DBF4: variants seen among roughly 807,000 people sequenced by gnomAD.
DBF4 encodes DBF4-CDC7 kinase regulatory subunit, also known as protein DBF4 homolog A.
Under a neutral mutation model 76.6 loss-of-function variants are expected in DBF4, and 25 were observed. That is an observed-to-expected ratio of 0.33 (90% CI 0.24 to 0.46). DBF4 has a LOEUF of 0.46. Ranked by LOEUF, DBF4 falls within the 20% of genes least tolerant of loss-of-function variation. DBF4 has a pLI of 1.00. For missense variants in DBF4, 638 were observed against 760.8 expected, an observed-to-expected ratio of 0.84 and a Z score of 1.90; for synonymous variants, 213 against 258.0, an observed-to-expected ratio of 0.83 and a Z score of 1.67.
rs1260619530 is a variant in DBF4 at position 87,878,126 on chromosome 7, A to G, written c.120A>G (p.Lys40=). The G allele has an allele frequency of 4.3e-6, 7 of 1,612,774 alleles. No individual in the cohort carries two copies. In the South Asian group the frequency reaches 7.7e-5, roughly 18 times the overall value. ...KSLKTDNRPE[K]SKCKPLWGKV... is the part of the protein sequence containing the mutation. ...TGAAAACTGATAACAGGCCAGAAAAATCCAAATGTAAGCCACTTTGGGGAA... is the reference window on the plus strand; with the variant it reads ...TGAAAACTGATAACAGGCCAGAAAAGTCCAAATGTAAGCCACTTTGGGGAA... The change falls in exon 2 of 12, where the codon AAA becomes AAG. Residue 40 remains lysine, a synonymous_variant. Coordinates refer to ENST00000265728, the MANE Select transcript of DBF4 (RefSeq NM_006716.4).
chr7:87,889,024 A>C (rs903220695), intron 6 of DBF4, among the ~76,000 whole-genome samples: 1 of 152,224 alleles, frequency 6.6e-6, no homozygotes, highest in Non-Finnish European at 1.5e-5. Flanking sequence ...GAAATCTTGT[A>C]TAGCATAATA....
intron 11 of DBF4, 109 bp from the exon 12 acceptor site, chr7:87,907,079 A>G (rs1839929137): frequency 8.9e-7 from 1 of 1,124,954 alleles, no homozygotes; most frequent in Non-Finnish European, 1.2e-6. Context: ...TAAGTTAAAT[A>G]GGTTTCTTAA....
At chr7:87,900,723 G>C in intron 9 of DBF4, 41 bp from the exon 10 acceptor site, 1 of 1,512,022 alleles carries the variant, frequency 6.6e-7, no homozygotes, top group Non-Finnish European at 9.1e-7. Context: ...TTATTCCTTA[G>C]GTTCAGCAGT....
intron 6 of DBF4, among the ~76,000 whole-genome samples, chr7:87,893,631 T>G (rs1209206594): frequency 1.3e-5 from 2 of 152,226 alleles, no homozygotes; most frequent in Non-Finnish European, 2.9e-5. Flanking sequence ...TGAAGTCTGC[T>G]CTCTGATGTA....
intron 2 of DBF4, among the ~76,000 whole-genome samples, chr7:87,884,387 A>G (rs893645486): frequency 6.6e-6 from 1 of 152,212 alleles, no homozygotes; most frequent in African/African-American, 2.4e-5. Context: ...TCAGTGGCTT[A>G]ATCACACTAC....
At chr7:87,888,153 G>A in intron 6 of DBF4, 94 bp downstream of exon 6, 1 of 1,405,848 alleles carries the variant, frequency 7.1e-7, no homozygotes, top group Non-Finnish European at 9.4e-7. Context: ...AATATCCTAG[G>A]GGCAAGCCTG....
At position 87,904,325 on chromosome 7, in the gene DBF4, C is replaced by G. The variant is rs769882975; in HGVS notation, c.958C>G (p.Gln320Glu). The change falls in exon 11 of 12, where the codon CAG becomes GAG. Residue 320 changes from glutamine (Q) to glutamate (E), a missense_variant. By Grantham distance (29) the Gln-to-Glu change is conservative. Transcript: ENST00000265728. ...AAGTGAGCAACACAGAAACTTTGCA[C>G]AGAGTAACCAGTATCAAGTTGTTGA... ...LLSEQHRNFA[Q>E]SNQYQVVDDI... 3 of 1,612,620 alleles carry G rather than the reference C, an allele frequency of 1.9e-6. No individual in the cohort carries two copies. The highest frequency in any genetic ancestry group is 1.1e-5 in the South Asian group (1 of 90,680).
Position 87,907,724 on chromosome 7 carries a change from A to G in DBF4, c.1586A>G (p.His529Arg), listed in dbSNP as rs1839945033. 5 of 1,613,976 alleles carry G rather than the reference A, an allele frequency of 3.1e-6. No individual in the cohort carries two copies. The highest frequency in any genetic ancestry group is 4.2e-6 in the Non-Finnish European group (5 of 1,179,968). ...AAGGACCTTCATTCAATATTTACTC[A>G]TGATTCTGGTCTGATAACAATAAAC... Reference protein sequence around the residue: ...KEKDLHSIFTHDSGLITINSS... With the variant: ...KEKDLHSIFTRDSGLITINSS... Residue 529 changes from histidine (H) to arginine (R), a missense_variant, in exon 12 of 12, where the codon CAT becomes CGT. Transcript: ENST00000265728.
chr7:87,907,783 G>A lies in DBF4; in HGVS notation c.1645G>A (p.Ala549Thr), dbSNP rs751265622. 5 of 1,613,990 alleles carry A rather than the reference G, an allele frequency of 3.1e-6. No individual in the cohort carries two copies. Among genetic ancestry groups the A allele is most frequent in the Non-Finnish European group, 4.2e-6 (5 of 1,179,942 alleles). Residue 549 changes from alanine (A) to threonine (T), a missense_variant, in exon 12 of 12, where the codon GCT becomes ACT. By Grantham distance (58) the Ala-to-Thr change is moderately conservative. Coordinates refer to ENST00000265728, the MANE Select transcript of DBF4 (RefSeq NM_006716.4). The part of the protein sequence containing the change: ...SQEHLTVQAK[A>T]PFHTPPEEPN... Reference sequence around the variant, plus strand: ...AGAGCACCTAACTGTTCAGGCAAAGGCTCCATTCCATACTCCTCCTGAGGA... The same window carrying A: ...AGAGCACCTAACTGTTCAGGCAAAGACTCCATTCCATACTCCTCCTGAGGA...
At chr7:87,883,979 T>A (rs887505731) in intron 2 of DBF4, among the ~76,000 whole-genome samples, 1 of 152,218 alleles carries the variant, frequency 6.6e-6, no homozygotes. Context: ...CCTGGCGATC[T>A]TTAATAACCT....
At chr7:87,897,417 G>T (rs1234844901) in intron 8 of DBF4, 78 bp downstream of exon 8, 3 of 1,321,470 alleles carry the variant, frequency 2.3e-6, no homozygotes, top group Non-Finnish European at 2.2e-6. Context: ...AGGCTAGCTC[G>T]ATTAGTACTG....
At chr7:87,883,304 C>T (rs1344485826) in intron 2 of DBF4, among the ~76,000 whole-genome samples, 2 of 152,022 alleles carry the variant, frequency 1.3e-5, no homozygotes, top group Non-Finnish European at 2.9e-5. Context: ...TTAATGGGTA[C>T]AGACTTTCAG....
intron 5 of DBF4, 88 bp from the exon 6 acceptor site, chr7:87,887,895 C>T: frequency 2.4e-6 from 3 of 1,250,498 alleles, no homozygotes; most frequent in Non-Finnish European, 3.3e-6. Context: ...ATGGTAAATT[C>T]TTTATCTAAT....
chr7:87,891,643 A>G (rs956519513), intron 6 of DBF4, among the ~76,000 whole-genome samples: 1 of 152,098 alleles, frequency 6.6e-6, no homozygotes, highest in Non-Finnish European at 1.5e-5. Flanking sequence ...TCCATTCCTG[A>G]TAATGCTATT....
intron 8 of DBF4, among the ~76,000 whole-genome samples, chr7:87,897,761 C>T (rs947594967): frequency 6.6e-6 from 1 of 151,938 alleles, no homozygotes; most frequent in African/African-American, 2.4e-5. Flanking sequence ...GTAGGATAGT[C>T]TTGTTGTTGT....
chr7:87,896,114 C>T (rs901693634), intron 6 of DBF4: 1 of 212,818 alleles, frequency 4.7e-6, no homozygotes, highest in African/African-American at 2.4e-5. Flanking sequence ...CATATTGAAT[C>T]TTTGCCTAAA....
intron 5 of DBF4, among the ~76,000 whole-genome samples, chr7:87,887,599 C>T (rs2131050870): frequency 6.6e-6 from 1 of 152,184 alleles, no homozygotes; most frequent in East Asian, 1.9e-4. Flanking sequence ...CTAAGAAGTC[C>T]TGGGTCAAAG....
At chr7:87,882,999 T>C (rs1236265014) in intron 2 of DBF4, among the ~76,000 whole-genome samples, 1 of 152,214 alleles carries the variant, frequency 6.6e-6, no homozygotes, top group African/African-American at 2.4e-5. Context: ...AGATATTTAT[T>C]ATTCACAATA....
At chr7:87,900,977 A>C in intron 10 of DBF4, 99 bp downstream of exon 10, 1 of 997,608 alleles carries the variant, frequency 1.0e-6, no homozygotes, top group South Asian at 1.5e-5. Context: ...TTTACATTTT[A>C]AGAACTCAAG....
Sources: gnomAD v4.1 joint callset for allele counts (sites outside exome capture counted in the v4.1 genomes callset) on GRCh38, gnomAD v4.1.1 for gene constraint, MANE v1.5 for transcripts, NCBI Gene and HGNC (gene_info 2026-07-23, HGNC 2026-07-21) for gene names.